PLCXD3: variants seen among roughly 807,000 people sequenced by gnomAD.
The protein encoded by PLCXD3 is phosphatidylinositol specific phospholipase C X domain containing 3.
Under a neutral mutation model 25.5 loss-of-function variants are expected in PLCXD3, and 19 were observed. That is an observed-to-expected ratio of 0.75 (90% CI 0.52 to 1.09). The LOEUF (loss-of-function observed/expected upper bound fraction) is 1.09. Among genes scored for constraint, PLCXD3 ranks in the 50% least tolerant of loss-of-function variants. PLCXD3 has a pLI of 0.00. For synonymous variants in PLCXD3, 174 were observed against 137.6 expected, an observed-to-expected ratio of 1.26 and a Z score of -1.85; for missense variants, 411 against 388.1, an observed-to-expected ratio of 1.06 and a Z score of -0.50.
chr5:41,320,653 T>C (rs1190051985), intron 2 of PLCXD3, among the ~76,000 whole-genome samples: 2 of 152,136 alleles, frequency 1.3e-5, no homozygotes, highest in Non-Finnish European at 2.9e-5. Context: ...CCCGCCACCA[T>C]GCCTGGCTAA....
chr5:41,379,710 T>C (rs538349066), intron 2 of PLCXD3, among the ~76,000 whole-genome samples: 1 of 152,166 alleles, frequency 6.6e-6, no homozygotes, highest in Admixed American at 6.5e-5. Context: ...TTATAAGCCA[T>C]TCCTGGCCTC....
At chr5:41,475,606 G>T (rs775917399) in intron 1 of PLCXD3, 3 of 534,480 alleles carry the variant, frequency 5.6e-6, no homozygotes, top group South Asian at 4.2e-5. Flanking sequence ...GTCCCTTCAG[G>T]TCTCTTCAGG....
intron 1 of PLCXD3, among the ~76,000 whole-genome samples, chr5:41,500,245 A>G (rs1748924295): frequency 6.6e-6 from 1 of 151,942 alleles, no homozygotes; most frequent in Non-Finnish European, 1.5e-5. Context: ...TTCAGCCACA[A>G]AAAATAATAA....
intron 1 of PLCXD3, among the ~76,000 whole-genome samples, chr5:41,396,956 A>G (rs538852211): frequency 1.3e-5 from 2 of 152,318 alleles, no homozygotes; most frequent in African/African-American, 2.4e-5. Context: ...AAAGCCTACA[A>G]TCATTTGCAT....
intron 2 of PLCXD3, among the ~76,000 whole-genome samples, chr5:41,318,595 G>A (rs187362933): frequency 1.3e-5 from 2 of 152,074 alleles, no homozygotes; most frequent in East Asian, 3.9e-4. Context: ...ACATGCAATG[G>A]ATACACAAAA....
At chr5:41,389,951 T>C (rs1471581488) in intron 1 of PLCXD3, among the ~76,000 whole-genome samples, 1 of 152,168 alleles carries the variant, frequency 6.6e-6, no homozygotes, top group East Asian at 1.9e-4. Context: ...ACAATCAAGA[T>C]ACAGCACATT....
chr5:41,326,855 C>T (rs748561911), intron 2 of PLCXD3, among the ~76,000 whole-genome samples: 34 of 151,256 alleles, frequency 2.2e-4, no homozygotes, highest in Non-Finnish European at 4.3e-4. Flanking sequence ...ACCTACCACT[C>T]CCTAGGATCC....
At chr5:41,510,028 T>C (rs1739001680) in intron 1 of PLCXD3, among the ~76,000 whole-genome samples, 3 of 152,306 alleles carry the variant, frequency 2.0e-5, no homozygotes, top group Admixed American at 2.0e-4. Flanking sequence ...GGCGAGCCCC[T>C]GACACTAGCT....
intron 2 of PLCXD3, among the ~76,000 whole-genome samples, chr5:41,360,117 A>C (rs920716118): frequency 6.6e-6 from 1 of 152,072 alleles, no homozygotes; most frequent in Non-Finnish European, 1.5e-5. Context: ...TTCTTCTGCT[A>C]GTTTGATTCT....
At chr5:41,361,101 G>A (rs962311126) in intron 2 of PLCXD3, among the ~76,000 whole-genome samples, 4 of 152,036 alleles carry the variant, frequency 2.6e-5, no homozygotes, top group African/African-American at 9.7e-5. Context: ...GGATGGGGGT[G>A]TGGATCTCAG....
intron 1 of PLCXD3, among the ~76,000 whole-genome samples, chr5:41,395,395 C>CTAA (rs1354624489): frequency 1.3e-5 from 2 of 151,634 alleles, no homozygotes; most frequent in African/African-American, 4.8e-5. Context: ...AATGAATAAT[C>CTAA]TAATAATCTT....
At chr5:41,400,761 T>C (rs754622606) in intron 1 of PLCXD3, among the ~76,000 whole-genome samples, 5 of 151,910 alleles carry the variant, frequency 3.3e-5, no homozygotes, top group Non-Finnish European at 7.4e-5. Flanking sequence ...AAAGAATGAG[T>C]AAGACCCACT....
intron 1 of PLCXD3, among the ~76,000 whole-genome samples, chr5:41,395,138 A>T (rs557709257): frequency 7.9e-5 from 12 of 152,292 alleles, no homozygotes; most frequent in African/African-American, 2.6e-4. Context: ...CTCTGACCAC[A>T]TTGGAATAAA....
chr5:41,501,179 C>A (rs1748942650), intron 1 of PLCXD3, among the ~76,000 whole-genome samples: 1 of 152,038 alleles, frequency 6.6e-6, no homozygotes, highest in Admixed American at 6.6e-5. Context: ...AGAACTACCA[C>A]ATGATCCAAC....
At chr5:41,497,460 G>T (rs1162152557) in intron 1 of PLCXD3, among the ~76,000 whole-genome samples, 1 of 151,764 alleles carries the variant, frequency 6.6e-6, no homozygotes, top group Non-Finnish European at 1.5e-5. Flanking sequence ...TGATATAATT[G>T]GATGAGTCAA....
chr5:41,407,935 C>T (rs1467550047), intron 1 of PLCXD3, among the ~76,000 whole-genome samples: 1 of 152,116 alleles, frequency 6.6e-6, no homozygotes, highest in Non-Finnish European at 1.5e-5. Context: ...GTCTTTTGAT[C>T]CAATATTCAA....
At chr5:41,479,713 GAGAGAGAGAGAGAGAA>G (rs1454406484) in intron 1 of PLCXD3, among the ~76,000 whole-genome samples, 1 of 126,794 alleles carries the variant, frequency 7.9e-6, no homozygotes, top group Non-Finnish European at 1.7e-5. Context: ...TGCTGAGAGG[GAGAGAGAGAGAGAGAA>G]AGAGAGAGAG....
At chr5:41,477,901 A>G (rs1416788173) in intron 1 of PLCXD3, among the ~76,000 whole-genome samples, 2 of 152,220 alleles carry the variant, frequency 1.3e-5, no homozygotes, top group African/African-American at 2.4e-5. Flanking sequence ...GAATGGCCCA[A>G]TAAAAATAGC....
At chr5:41,373,905 T>A (rs1745200914) in intron 2 of PLCXD3, among the ~76,000 whole-genome samples, 1 of 151,908 alleles carries the variant, frequency 6.6e-6, no homozygotes, top group African/African-American at 2.4e-5. Flanking sequence ...AATCCTAGGG[T>A]CAAACTAAGT....
Sources: gnomAD v4.1 joint callset for allele counts (sites outside exome capture counted in the v4.1 genomes callset) on GRCh38, gnomAD v4.1.1 for gene constraint, MANE v1.5 for transcripts, NCBI Gene and HGNC (gene_info 2026-07-23, HGNC 2026-07-21) for gene names.